BLK: variants seen among roughly 807,000 people sequenced by gnomAD.
BLK encodes tyrosine-protein kinase Blk.
In BLK, 64 loss-of-function variants were observed where a neutral mutation model predicts 61.8. That is an observed-to-expected ratio of 1.03 (90% CI 0.85 to 1.27). BLK has a LOEUF of 1.27. Ranked by LOEUF, BLK falls within the 50% of genes most tolerant of loss-of-function variation. The probability of loss-of-function intolerance (pLI) is 0.00; values close to 1 mark genes in which losing one functional copy is unlikely to be tolerated. For synonymous variants in BLK, 351 were observed against 272.0 expected, an observed-to-expected ratio of 1.29 and a Z score of -2.86; for missense variants, 853 against 660.5, an observed-to-expected ratio of 1.29 and a Z score of -3.19.
At chr8:11,516,747 A>T (rs1453033743) in intron 1 of BLK, among the ~76,000 whole-genome samples, 1 of 152,230 alleles carries the variant, frequency 6.6e-6, no homozygotes, top group Non-Finnish European at 1.5e-5. Context: ...CCCATGTTGT[A>T]GCATGTGCCA....
chr8:11,510,134 C>T (rs979837685), intron 1 of BLK, among the ~76,000 whole-genome samples: 3 of 152,202 alleles, frequency 2.0e-5, no homozygotes, highest in African/African-American at 7.2e-5. Context: ...TTCTGAATTA[C>T]ATCGTGGAGC....
chr8:11,543,296 C>G lies in BLK; in HGVS notation c.72C>G (p.Ser24Arg). The G allele has an allele frequency of 1.2e-6, 2 of 1,613,752 alleles. No homozygotes were observed. The highest frequency in any genetic ancestry group is 1.7e-6 in the Non-Finnish European group (2 of 1,180,018). Residue 24 changes from serine to arginine, a missense_variant, in exon 2 of 13, where the codon AGC (serine) becomes AGG (arginine). Physicochemically the swap from Ser to Arg is moderately radical, Grantham distance 110. Coordinates refer to ENST00000259089, the MANE Select transcript of BLK (RefSeq NM_001715.3). ...PIKEKDKGQW[S>R]PLKVSAQDKD... ...AAGAGAAGGACAAGGGCCAATGGAGCCCCCTGAAGGTCAGCGCCCAAGACA... is the reference window on the plus strand; with the variant it reads ...AAGAGAAGGACAAGGGCCAATGGAGGCCCCTGAAGGTCAGCGCCCAAGACA...
Position 11,558,030 on chromosome 8 carries a change from T to G in BLK, c.1021T>G (p.Ser341Ala), listed in dbSNP as rs567720261. ...GTCACTCCCAAGGCTGATTGACATG[T>G]CGGCGCAGGTTGGTGAAGTACCAGG... ...RLSLPRLIDM[S>A]AQIAEGMAYI... The change falls in exon 10 of 13, where the codon TCG (serine) becomes GCG (alanine). Residue 341 changes from serine (S) to alanine (A), a missense_variant. By Grantham distance (99) the Ser-to-Ala change is moderately conservative. Coordinates refer to ENST00000259089, the MANE Select transcript of BLK (RefSeq NM_001715.3). 1.7e-4 allele frequency: 271 copies of G among 1,613,932 alleles called. 2 individuals are homozygous for G. The South Asian group carries it at 2.9e-3, about 17-fold the overall frequency.
At position 11,499,424 on chromosome 8, in the gene BLK, TAGTC is replaced by T. The variant is rs141289890; in HGVS notation, c.-2+4838_-2+4841del. Among the ~76,000 whole-genome samples, 1,176 of 152,344 alleles carry T rather than the reference TAGTC, an allele frequency of 7.7e-3. 14 individuals are homozygous for T. Among genetic ancestry groups the T allele is most frequent in the African/African-American group, 0.026 (1,100 of 41,568 alleles). ...TTTGGGAACTTCCCCTGTATCCAGA[TAGTC>T]AGTCCAAGAGCTGTGTGTTTGGATC... is the stretch of plus-strand genomic sequence containing the variant. On this transcript the variant is annotated intron_variant, in intron 1 of 12. Transcript: ENST00000259089.
At chr8:11,506,756 C>T (rs1798783294) in intron 1 of BLK, among the ~76,000 whole-genome samples, 1 of 152,270 alleles carries the variant, frequency 6.6e-6, no homozygotes, top group East Asian at 1.9e-4. Context: ...GCCTCTGACC[C>T]TGGCCAAGCC....
intron 1 of BLK, among the ~76,000 whole-genome samples, chr8:11,504,826 G>T (rs1258776495): frequency 6.6e-6 from 1 of 152,204 alleles, no homozygotes; most frequent in African/African-American, 2.4e-5. Context: ...GGCCTAAGTG[G>T]CCCATGTGGA....
intron 4 of BLK, among the ~76,000 whole-genome samples, 194 bp from the exon 5 acceptor site, chr8:11,548,830 T>C (rs752252122): frequency 1.1e-4 from 17 of 152,136 alleles, no homozygotes; most frequent in Non-Finnish European, 2.1e-4. Context: ...GATAAGCTCT[T>C]CCCCCTAGAA....
At chr8:11,559,303 T>A (rs1444447701) in intron 10 of BLK, among the ~76,000 whole-genome samples, 1 of 146,598 alleles carries the variant, frequency 6.8e-6, no homozygotes, top group Non-Finnish European at 1.5e-5. Flanking sequence ...ACACACACAC[T>A]CTCACACACA....
rs981868868 is a variant in BLK at position 11,563,853 on chromosome 8, C to T, written c.1313-50C>T. 6 of 1,548,990 alleles carry T rather than the reference C, an allele frequency of 3.9e-6. No homozygotes were observed. In the African/African-American group the frequency reaches 8.2e-5, roughly 21 times the overall value. On this transcript the variant is annotated intron_variant, in intron 12 of 12. Coordinates refer to ENST00000259089, the MANE Select transcript of BLK (RefSeq NM_001715.3). ...CGCGGGACGCTCAGGGCCCCCCACC[C>T]ACCGAGGACCCCAGCCCCTCACCCC...
intron 3 of BLK, among the ~76,000 whole-genome samples, chr8:11,546,525 AG>A (rs1800652043): frequency 6.6e-6 from 1 of 151,854 alleles, no homozygotes; most frequent in Non-Finnish European, 1.5e-5. Context: ...TCACTTCGAG[AG>A]TCCCGCTGCT....
Position 11,563,928 on chromosome 8 carries a change from C to G in BLK, c.1338C>G (p.Arg446=), listed in dbSNP as rs377160616. 202 of 1,608,742 alleles carry G rather than the reference C, an allele frequency of 1.3e-4. No individual in the cohort carries two copies. In the African/African-American group the frequency reaches 2.3e-3, roughly 18 times the overall value. Residue 446 remains arginine (R), a synonymous_variant, in exon 13 of 13, where the codon CGC becomes CGG. Coordinates refer to ENST00000259089, the MANE Select transcript of BLK (RefSeq NM_001715.3). ...GGATGAGCAACCCCGAGGTCATCCG[C>G]AACCTGGAGCGCGGCTACCGCATGC... ...YPGMSNPEVI[R]NLERGYRMPR... is the part of the protein sequence containing the mutation.
rs540963158 is a variant in BLK, at chr8:11,510,725, C to A, written c.-2+16134C>A. ...GTAATGGGATAGGGAATATATTATC[C>A]CCGGGATAGCGCCACTGTACTCCAG... On this transcript the variant is annotated intron_variant, in intron 1 of 12. Transcript: ENST00000259089. 2.1e-3 allele frequency among the ~76,000 whole-genome samples: 322 copies of A among 151,822 alleles called. 1 individual carries two copies. The highest frequency in any genetic ancestry group is 3.5e-3 in the Non-Finnish European group (241 of 67,950).
intron 1 of BLK, among the ~76,000 whole-genome samples, chr8:11,535,250 AAAGAAAGAAAG>A (rs1423267542): frequency 7.2e-6 from 1 of 138,130 alleles, no homozygotes; most frequent in Non-Finnish European, 1.6e-5. Context: ...GAAGGAAAGG[AAAGAAAGAAAG>A]AAGAAAGAAA....
chr8:11,535,272 G>GAAAGAAAGA (rs1800074782), intron 1 of BLK, among the ~76,000 whole-genome samples: 1 of 115,786 alleles, frequency 8.6e-6, no homozygotes, highest in African/African-American at 3.2e-5. Context: ...AAGAAAGAAA[G>GAAAGAAAGA]AAAGAAAGAA....
At chr8:11,503,198 C>G (rs1798633683) in intron 1 of BLK, among the ~76,000 whole-genome samples, 1 of 152,204 alleles carries the variant, frequency 6.6e-6, no homozygotes, top group African/African-American at 2.4e-5. Context: ...AAGCACACAA[C>G]CACACGTAGC....
intron 10 of BLK, chr8:11,559,685 C>G: frequency 2.2e-6 from 1 of 453,226 alleles, no homozygotes; most frequent in Non-Finnish European, 4.4e-6. Context: ...ATCACAATCC[C>G]TCGGGCCCCA....
rs1445219689 is a variant in BLK, at chr8:11,556,991, GGGGAGGGACAGA to G, written c.952+162_952+173del. On this transcript the variant is annotated intron_variant, in intron 9 of 12. Coordinates refer to ENST00000259089, the MANE Select transcript of BLK (RefSeq NM_001715.3). ...TGGGGACAGGGAGGGATGGAGGGAG[GGGGAGGGACAGA>G]GGGAGGGTGAGAAACAGGAGGGTGA... 2.0e-5 allele frequency among the ~76,000 whole-genome samples: 3 copies of G among 152,064 alleles called. No individual in the cohort carries two copies. The South Asian group carries it at 6.2e-4, about 32-fold the overall frequency.
At chr8:11,520,575 G>A (rs1799410570) in intron 1 of BLK, among the ~76,000 whole-genome samples, 2 of 151,306 alleles carry the variant, frequency 1.3e-5, no homozygotes, top group South Asian at 2.1e-4. Context: ...AGGCATCCCT[G>A]TAAAAGCTTG....
chr8:11,498,537 G>A (rs112926722), intron 1 of BLK, among the ~76,000 whole-genome samples: 6 of 152,342 alleles, frequency 3.9e-5, no homozygotes, highest in African/African-American at 1.4e-4. Flanking sequence ...ATGAGGAAGT[G>A]GAAAGGACTT....
Sources: allele counts gnomAD v4.1 joint callset (sites outside exome capture counted in the v4.1 genomes callset), GRCh38; gene constraint gnomAD v4.1.1; transcripts MANE v1.5; gene names NCBI Gene and HGNC (gene_info 2026-07-23, HGNC 2026-07-21).